Variants in TTC23 observed in about 807,000 individuals in gnomAD.
TTC23 encodes the protein tetratricopeptide repeat domain 23.
Under a neutral mutation model 55.1 loss-of-function variants are expected in TTC23, and 58 were observed. That is an observed-to-expected ratio of 1.05 (90% confidence interval 0.85 to 1.31). TTC23 has a LOEUF of 1.31. TTC23 is among the 50% of genes most tolerant of loss of function. The probability of loss-of-function intolerance (pLI) is 0.00; values close to 1 mark genes in which losing one functional copy is unlikely to be tolerated. For synonymous variants in TTC23, 203 were observed against 199.9 expected (o/e 1.02, Z -0.13); for missense variants, 516 against 534.4 (o/e 0.97, Z 0.34).
intron 2 of TTC23, among the ~76,000 whole-genome samples, chr15:99,242,035 C>T (rs555957071): frequency 1.2e-4 from 18 of 151,040 alleles, no homozygotes; most frequent in South Asian, 8.4e-4. Context: ...GGGAGGCTGA[C>T]GGGAGAGGAC....
chr15:99,171,100 C>T (rs759538988), intron 10 of TTC23, among the ~76,000 whole-genome samples: 2 of 152,346 alleles, frequency 1.3e-5, no homozygotes, highest in South Asian at 2.1e-4. Context: ...CAGGACTTCA[C>T]GGTGCTGCAG....
intron 12 of TTC23, among the ~76,000 whole-genome samples, chr15:99,154,671 A>C (rs1364935139): frequency 2.6e-5 from 4 of 152,216 alleles, no homozygotes; most frequent in African/African-American, 9.6e-5. Context: ...AAGTTTATTT[A>C]TTGTGATTTA....
intron 9 of TTC23, among the ~76,000 whole-genome samples, chr15:99,186,658 T>C (rs2074690927): frequency 6.6e-6 from 1 of 152,104 alleles, no homozygotes; most frequent in Admixed American, 6.5e-5. Flanking sequence ...TATATTTCTA[T>C]ACATGAATAA....
At chr15:99,245,367 A>C (rs1004201674) in intron 2 of TTC23, 22 bp downstream of exon 2, 2 of 152,154 alleles carry the variant, frequency 1.3e-5, no homozygotes, top group Non-Finnish European at 2.9e-5. Flanking sequence ...CAAAAAATTT[A>C]GCCAGATTTG....
At chr15:99,226,024 C>G (rs1226482774) in intron 5 of TTC23, among the ~76,000 whole-genome samples, 2 of 152,116 alleles carry the variant, frequency 1.3e-5, no homozygotes, top group Non-Finnish European at 2.9e-5. Flanking sequence ...AAGACGAACT[C>G]AAACAGAGAG....
chr15:99,224,059 C>T (rs185618680), intron 5 of TTC23, among the ~76,000 whole-genome samples: 79 of 152,300 alleles, frequency 5.2e-4, no homozygotes, highest in Middle Eastern at 3.4e-3. Flanking sequence ...ATTGGAAATA[C>T]CTTCACCCTA....
chr15:99,191,272 A>C (rs184109017), intron 9 of TTC23, among the ~76,000 whole-genome samples: 1 of 152,176 alleles, frequency 6.6e-6, no homozygotes, highest in Non-Finnish European at 1.5e-5. Flanking sequence ...TTCTAGGAAG[A>C]CCTATGAACT....
intron 8 of TTC23, among the ~76,000 whole-genome samples, chr15:99,211,560 T>G (rs1031379757): frequency 1.3e-5 from 2 of 152,210 alleles, no homozygotes; most frequent in Non-Finnish European, 2.9e-5. Context: ...TATAAGTACC[T>G]GATTTAAAAT....
chr15:99,210,989 G>C (rs976865388), intron 8 of TTC23, among the ~76,000 whole-genome samples: 4 of 152,014 alleles, frequency 2.6e-5, no homozygotes, highest in Non-Finnish European at 5.9e-5. Context: ...CTTTCCTTTT[G>C]GAAAACTTGT....
At chr15:99,214,575 AC>A (rs1271101315) in intron 8 of TTC23, among the ~76,000 whole-genome samples, 11 of 149,690 alleles carry the variant, frequency 7.3e-5, no homozygotes, top group Non-Finnish European at 1.5e-4. Flanking sequence ...ATAGGTGAGC[AC>A]CACCACACTT....
intron 10 of TTC23, among the ~76,000 whole-genome samples, chr15:99,169,886 G>A (rs2151916914): frequency 6.6e-6 from 1 of 152,308 alleles, no homozygotes; most frequent in East Asian, 1.9e-4. Context: ...TGCTGTCACT[G>A]AACGCTGCAG....
chr15:99,213,987 T>TA (rs2077244839), intron 8 of TTC23, among the ~76,000 whole-genome samples: 1 of 152,232 alleles, frequency 6.6e-6, no homozygotes, highest in Non-Finnish European at 1.5e-5. Flanking sequence ...CTAAAGTAGT[T>TA]ACACCAAATA....
Position 99,227,394 on chromosome 15 carries a change from T to C in TTC23, c.180+1139A>G, listed in dbSNP as rs191920391. On this transcript the variant is annotated intron_variant, in intron 5 of 13. Coordinates refer to ENST00000394132, the MANE Select transcript of TTC23 (RefSeq NM_001288615.3). ...CTTTCAAAAGAGCTCAGCATTTCTA[T>C]TGTCTCTGCCACACGTAGTTCAGGT... 2.1e-3 allele frequency among the ~76,000 whole-genome samples: 324 copies of C among 152,352 alleles called. 2 individuals are homozygous for C. The highest frequency in any genetic ancestry group is 3.4e-3 in the Non-Finnish European group (234 of 68,028).
chr15:99,139,734 C>T, intron 12 of TTC23: 1 of 1,342,046 alleles, frequency 7.5e-7, no homozygotes, highest in Non-Finnish European at 9.9e-7. Context: ...AAATGTGGCC[C>T]TTGTTATAGC....
chr15:99,188,976 C>T (rs1244312352), intron 9 of TTC23, among the ~76,000 whole-genome samples: 1 of 152,060 alleles, frequency 6.6e-6, no homozygotes, highest in African/African-American at 2.4e-5. Flanking sequence ...CCAATATATA[C>T]TCCCTTCAAC....
chr15:99,238,626 G>C (rs1193090955), intron 3 of TTC23, among the ~76,000 whole-genome samples: 1 of 152,136 alleles, frequency 6.6e-6, no homozygotes, highest in Non-Finnish European at 1.5e-5. Context: ...GGTTCAATTT[G>C]GTGTATGTGA....
intron 10 of TTC23, among the ~76,000 whole-genome samples, chr15:99,164,078 G>T (rs887871434): frequency 2.0e-5 from 3 of 152,318 alleles, no homozygotes; most frequent in Non-Finnish European, 4.4e-5. Flanking sequence ...TAGTCTGAAT[G>T]TGTACCACCT....
intron 4 of TTC23, among the ~76,000 whole-genome samples, chr15:99,229,620 A>G (rs888340711): frequency 6.6e-6 from 1 of 152,224 alleles, no homozygotes; most frequent in Non-Finnish European, 1.5e-5. Flanking sequence ...AGGAACCAAG[A>G]TATTAGCAGA....
chr15:99,227,210 T>C (rs1167571488), intron 5 of TTC23, among the ~76,000 whole-genome samples: 2 of 152,216 alleles, frequency 1.3e-5, no homozygotes, highest in Non-Finnish European at 2.9e-5. Context: ...GTATTTGTTA[T>C]ACTGATGAAG....
Sources: gnomAD v4.1 joint callset for allele counts (sites outside exome capture counted in the v4.1 genomes callset) on GRCh38, gnomAD v4.1.1 for gene constraint, MANE v1.5 for transcripts, NCBI Gene and HGNC (gene_info 2026-07-23, HGNC 2026-07-21) for gene names.